Variants in RIMS2 observed in about 807,000 individuals in gnomAD.
The protein encoded by RIMS2 is regulating synaptic membrane exocytosis protein 2.
In RIMS2, 59 loss-of-function variants were observed where a neutral mutation model predicts 174.4. That is an observed-to-expected ratio of 0.34 (90% CI 0.27 to 0.42). The LOEUF (loss-of-function observed/expected upper bound fraction) is 0.42. RIMS2 is among the 10% of genes least tolerant of loss of function. The pLI is 1.00. For missense variants in RIMS2, 1,620 were observed against 1,666.3 expected (o/e 0.97, Z 0.48); for synonymous variants, 606 against 572.5 (o/e 1.06, Z -0.84).
intron 19 of RIMS2, among the ~76,000 whole-genome samples, chr8:104,156,701 T>C (rs2098726408): frequency 6.6e-6 from 1 of 152,216 alleles, no homozygotes; most frequent in South Asian, 2.1e-4. Flanking sequence ...GTGAGATTTT[T>C]AGAGATTTAT....
At chr8:104,183,708 G>A (rs1236295043) in intron 19 of RIMS2, among the ~76,000 whole-genome samples, 2 of 151,566 alleles carry the variant, frequency 1.3e-5, no homozygotes, top group East Asian at 1.9e-4. Context: ...CAGCTCATCA[G>A]AGTATAAAAT....
At chr8:103,621,576 T>C (rs2095636440) in intron 1 of RIMS2, among the ~76,000 whole-genome samples, 1 of 152,366 alleles carries the variant, frequency 6.6e-6, no homozygotes, top group East Asian at 1.9e-4. Context: ...ATTGATTTCT[T>C]TATTACGTCT....
chr8:103,502,189 G>A (rs1191162473), intron 1 of RIMS2, among the ~76,000 whole-genome samples: 1 of 152,132 alleles, frequency 6.6e-6, no homozygotes, highest in African/African-American at 2.4e-5. Flanking sequence ...ACAATTGAAA[G>A]TGTAGAGTTC....
At chr8:104,039,084 A>G (rs771643087) in intron 19 of RIMS2, among the ~76,000 whole-genome samples, 3 of 151,802 alleles carry the variant, frequency 2.0e-5, no homozygotes, top group Admixed American at 2.0e-4. Flanking sequence ...AAGTTTTGCC[A>G]TATTCCTTAT....
chr8:103,967,927 C>T (rs2092325060), intron 15 of RIMS2, among the ~76,000 whole-genome samples: 1 of 145,300 alleles, frequency 6.9e-6, no homozygotes. Context: ...GTGGCACAAT[C>T]TCAGCTCACT....
At chr8:103,555,800 CAAAAAAAAA>C (rs35932194) in intron 1 of RIMS2, among the ~76,000 whole-genome samples, 2 of 135,510 alleles carry the variant, frequency 1.5e-5, no homozygotes, top group Non-Finnish European at 3.2e-5. Context: ...CTCTCTCTCT[CAAAAAAAAA>C]AAAAAGAAAA....
At chr8:103,767,470 C>T (rs2098189195) in intron 3 of RIMS2, among the ~76,000 whole-genome samples, 1 of 152,080 alleles carries the variant, frequency 6.6e-6, no homozygotes, top group Non-Finnish European at 1.5e-5. Flanking sequence ...CAGGTGTGAG[C>T]CACCGTGCCC....
intron 1 of RIMS2, among the ~76,000 whole-genome samples, chr8:103,541,427 C>A (rs1842529752): frequency 3.3e-5 from 5 of 152,146 alleles, no homozygotes; most frequent in Admixed American, 3.3e-4. Context: ...CTTTCCCATA[C>A]AAACAAAAGC....
At chr8:103,989,466 A>T in intron 17 of RIMS2, 45 bp downstream of exon 19, 2 of 1,010,906 alleles carry the variant, frequency 2.0e-6, no homozygotes, top group Non-Finnish European at 3.1e-6. Flanking sequence ...TAATATAATC[A>T]CTGCTTTCAG....
At chr8:104,125,249 G>A (rs2098419161) in intron 19 of RIMS2, among the ~76,000 whole-genome samples, 2 of 152,144 alleles carry the variant, frequency 1.3e-5, no homozygotes. Context: ...ACTTTTAAAT[G>A]ACAATTGACT....
chr8:103,619,845 T>C (rs2095594802), intron 1 of RIMS2, among the ~76,000 whole-genome samples: 1 of 152,154 alleles, frequency 6.6e-6, no homozygotes. Flanking sequence ...GAAAAGGCTA[T>C]GTATTTTTCT....
intron 19 of RIMS2, among the ~76,000 whole-genome samples, chr8:104,191,996 A>G (rs2099000266): frequency 6.6e-6 from 1 of 152,174 alleles, no homozygotes. Flanking sequence ...ATTTGTTCCC[A>G]GAAGAATTAA....
At chr8:103,585,799 G>A (rs1004634501) in intron 1 of RIMS2, among the ~76,000 whole-genome samples, 1 of 151,744 alleles carries the variant, frequency 6.6e-6, no homozygotes, top group African/African-American at 2.4e-5. Flanking sequence ...AAAACTGGAT[G>A]ACAGGCTGAC....
chr8:104,114,369 C>T (rs2131944460), intron 19 of RIMS2, among the ~76,000 whole-genome samples: 1 of 151,976 alleles, frequency 6.6e-6, no homozygotes, highest in South Asian at 2.1e-4. Flanking sequence ...GTACATAATG[C>T]ATTCATCTTG....
At chr8:103,794,503 C>T (rs1460030803) in intron 3 of RIMS2, among the ~76,000 whole-genome samples, 1 of 152,090 alleles carries the variant, frequency 6.6e-6, no homozygotes, top group African/African-American at 2.4e-5. Context: ...TAGGCAATAC[C>T]ATTCAGGACA....
At chr8:104,242,620 A>C (rs1197501813) in intron 19 of RIMS2, among the ~76,000 whole-genome samples, 4 of 152,360 alleles carry the variant, frequency 2.6e-5, no homozygotes, top group Middle Eastern at 3.4e-3. Context: ...TTTCTTGAAC[A>C]ATAGTCCATG....
rs1033693021 is a variant in RIMS2 at position 103,791,857 on chromosome 8, A to G, written c.698+25320A>G. 3.3e-5 allele frequency among the ~76,000 whole-genome samples: 5 copies of G among 152,354 alleles called. No individual in the cohort carries two copies. In the East Asian group the frequency reaches 5.8e-4, roughly 18 times the overall value. Reference sequence around the variant, plus strand: ...ACATAATGGTAAAGGGATCAATTCAACAAGAAGAGCTAACTATCCTAAATA... The same window carrying G: ...ACATAATGGTAAAGGGATCAATTCAGCAAGAAGAGCTAACTATCCTAAATA... On this transcript the variant is annotated intron_variant, in intron 3 of 23. Transcript: ENST00000504942.
chr8:104,226,676 T>C (rs562920907), intron 19 of RIMS2, among the ~76,000 whole-genome samples: 65 of 152,148 alleles, frequency 4.3e-4, no homozygotes, highest in Non-Finnish European at 7.4e-4. Flanking sequence ...AAGCCTAATT[T>C]AGGAGTTAGA....
chr8:103,661,160 C>T (rs528087122), intron 1 of RIMS2, among the ~76,000 whole-genome samples: 1 of 152,276 alleles, frequency 6.6e-6, no homozygotes, highest in Admixed American at 6.5e-5. Context: ...TTGTTTTGCT[C>T]AATATAATGT....
Sources: gnomAD v4.1 joint callset for allele counts (sites outside exome capture counted in the v4.1 genomes callset) on GRCh38, gnomAD v4.1.1 for gene constraint, MANE v1.5 for transcripts, NCBI Gene and HGNC (gene_info 2026-07-23, HGNC 2026-07-21) for gene names.